Variants in MUSK observed in about 807,000 individuals in gnomAD.
MUSK encodes the protein muscle associated receptor tyrosine kinase, also known as muscle, skeletal receptor tyrosine-protein kinase.
MUSK carries 55 observed loss-of-function variants against 88.7 expected under a neutral mutation model. That is an observed-to-expected ratio of 0.62 (90% CI 0.50 to 0.78). MUSK has a LOEUF of 0.78. Among genes scored for constraint, MUSK ranks in the 30% least tolerant of loss-of-function variants. MUSK has a pLI of 0.00. For missense variants in MUSK, 1,015 were observed against 1,074.3 expected, an observed-to-expected ratio of 0.94 and a Z score of 0.77; for synonymous variants, 387 against 391.9, an observed-to-expected ratio of 0.99 and a Z score of 0.15.
chr9:110,708,171 A>G (rs2076625325), intron 5 of MUSK, among the ~76,000 whole-genome samples: 1 of 152,086 alleles, frequency 6.6e-6, no homozygotes, highest in African/African-American at 2.4e-5. Flanking sequence ...AATAGACATA[A>G]CTATAAAAGA....
chr9:110,789,389 C>T (rs2846453), intron 14 of MUSK, among the ~76,000 whole-genome samples: 91,314 of 152,040 alleles, frequency 0.6, 28,006 homozygotes, highest in Middle Eastern at 0.67. Flanking sequence ...AAGTATTTGG[C>T]TGTGCAGATG....
chr9:110,694,951 CAAATT>C (rs1395946358), intron 3 of MUSK, among the ~76,000 whole-genome samples: 7 of 151,884 alleles, frequency 4.6e-5, no homozygotes, highest in African/African-American at 1.7e-4. Flanking sequence ...ATTTAATAGT[CAAATT>C]AAGATGGAAG....
intron 1 of MUSK, among the ~76,000 whole-genome samples, chr9:110,674,878 T>C (rs779601917): frequency 2.0e-5 from 3 of 152,078 alleles, no homozygotes; most frequent in Non-Finnish European, 4.4e-5. Context: ...TCAAAAGTGC[T>C]GGGATTACAG....
At chr9:110,759,370 A>T (rs78761873) in intron 7 of MUSK, among the ~76,000 whole-genome samples, 20,534 of 152,152 alleles carry the variant, frequency 0.13, 1,820 homozygotes, top group East Asian at 0.28. Context: ...AAAACAGTAA[A>T]CCTGAAAGAT....
At chr9:110,790,072 C>T (rs952522867) in intron 14 of MUSK, among the ~76,000 whole-genome samples, 2 of 152,122 alleles carry the variant, frequency 1.3e-5, no homozygotes, top group African/African-American at 2.4e-5. Flanking sequence ...AAACTAAAAA[C>T]GAGCAACCAA....
intron 5 of MUSK, among the ~76,000 whole-genome samples, chr9:110,716,117 C>T (rs546110596): frequency 6.7e-6 from 1 of 149,556 alleles, no homozygotes; most frequent in South Asian, 2.1e-4. Context: ...GCACTTGTAC[C>T]CCTGAACTTA....
rs35176182 is a variant in MUSK at position 110,695,519 on chromosome 9, A to G, written c.475A>G (p.Ser159Gly). Residue 159 changes from serine (S) to glycine (G), a missense_variant, in exon 4 of 15, where the codon AGC becomes GGC. Physicochemically the swap from Ser to Gly is moderately conservative, Grantham distance 56. Transcript: ENST00000374448. ...KPSVSWIKGDSPLRENSRIAV... is the reference protein window; with the variant it reads ...KPSVSWIKGDGPLRENSRIAV... ...ATCAGTGTCTTGGATAAAGGGAGAC[A>G]GCCCTCTCAGGGTAAGTGGTTATGA... 0.16 allele frequency: 244,750 copies of G among 1,555,198 alleles called. 20,579 individuals carry two copies. The highest frequency in any genetic ancestry group is 0.19 in the East Asian group (7,943 of 42,358).
chr9:110,681,006 T>TATAA lies in MUSK; in HGVS notation c.80-1668_80-1667insATAA, dbSNP rs1554732298. ...ATAATGATCCTTATAATATATTATA[T>TATAA]TATATATAATATATATTATATATTA... On this transcript the variant is annotated intron_variant, in intron 1 of 14. Transcript: ENST00000374448. 2.5e-3 allele frequency among the ~76,000 whole-genome samples: 103 copies of TATAA among 41,948 alleles called. 1 individual carries two copies. Among genetic ancestry groups the TATAA allele is most frequent in the South Asian group, 5.7e-3 (12 of 2,120 alleles). The allele number at this position is 41,948 out of a possible 152,430, so 27.5% of individuals were successfully genotyped here. A position where few individuals can be genotyped will look rare whatever the true frequency, so the allele number is the denominator to read the frequency against.
At chr9:110,674,392 C>A in intron 1 of MUSK, among the ~76,000 whole-genome samples, 1 of 152,034 alleles carries the variant, frequency 6.6e-6, no homozygotes, top group East Asian at 1.9e-4. Flanking sequence ...TTGTATATAA[C>A]AATCACCTCT....
chr9:110,783,445 A>C (rs1195285264), intron 11 of MUSK, among the ~76,000 whole-genome samples: 1 of 152,022 alleles, frequency 6.6e-6, no homozygotes, highest in Non-Finnish European at 1.5e-5. Flanking sequence ...TAATGCTTCA[A>C]ATTTGGGGAT....
intron 3 of MUSK, among the ~76,000 whole-genome samples, chr9:110,693,502 T>A (rs941136878): frequency 6.6e-6 from 1 of 152,222 alleles, no homozygotes; most frequent in Non-Finnish European, 1.5e-5. Context: ...AAAGTCTCAA[T>A]GCTGGCACAG....
At chr9:110,739,199 G>T (rs1197259920) in intron 6 of MUSK, among the ~76,000 whole-genome samples, 1 of 152,236 alleles carries the variant, frequency 6.6e-6, no homozygotes, top group East Asian at 1.9e-4. Flanking sequence ...TTCATGAGAA[G>T]GACTCACAGA....
chr9:110,728,052 T>G (rs953656743), intron 5 of MUSK, among the ~76,000 whole-genome samples: 1 of 152,116 alleles, frequency 6.6e-6, no homozygotes, highest in Non-Finnish European at 1.5e-5. Flanking sequence ...TTCTATTCAA[T>G]CTAAACATTT....
intron 6 of MUSK, among the ~76,000 whole-genome samples, chr9:110,738,368 T>C (rs1025859755): frequency 3.9e-5 from 6 of 152,196 alleles, no homozygotes; most frequent in Non-Finnish European, 8.8e-5. Flanking sequence ...GAGCACTATC[T>C]TATTATTTTC....
At chr9:110,739,815 G>C (rs571621680) in intron 6 of MUSK, among the ~76,000 whole-genome samples, 1 of 152,264 alleles carries the variant, frequency 6.6e-6, no homozygotes, top group African/African-American at 2.4e-5. Flanking sequence ...GGTGGATTGA[G>C]AATGGCTTTC....
At chr9:110,676,769 T>C (rs2076036120) in intron 1 of MUSK, among the ~76,000 whole-genome samples, 1 of 152,208 alleles carries the variant, frequency 6.6e-6, no homozygotes, top group Non-Finnish European at 1.5e-5. Flanking sequence ...ATGGTGTATA[T>C]GTATCACATT....
At chr9:110,723,279 AC>A (rs1328795245) in intron 5 of MUSK, among the ~76,000 whole-genome samples, 1 of 151,062 alleles carries the variant, frequency 6.6e-6, no homozygotes, top group Non-Finnish European at 1.5e-5. Flanking sequence ...ACCATGGAAT[AC>A]TACTTATCCA....
chr9:110,680,405 A>T (rs2076092958), intron 1 of MUSK, among the ~76,000 whole-genome samples: 1 of 142,886 alleles, frequency 7.0e-6, no homozygotes, highest in Admixed American at 7.1e-5. Flanking sequence ...TTCTTCTGAG[A>T]CAGAGTCTCC....
At chr9:110,740,254 T>TA (rs1300035561) in intron 6 of MUSK, among the ~76,000 whole-genome samples, 1 of 152,152 alleles carries the variant, frequency 6.6e-6, no homozygotes, top group Non-Finnish European at 1.5e-5. Flanking sequence ...TAGGGTGTCT[T>TA]AAAAAACAGA....
Sources: gnomAD v4.1 joint callset for allele counts (sites outside exome capture counted in the v4.1 genomes callset) on GRCh38, gnomAD v4.1.1 for gene constraint, MANE v1.5 for transcripts, NCBI Gene and HGNC (gene_info 2026-07-23, HGNC 2026-07-21) for gene names.